The following CSMD1 variants were observed in gnomAD, a reference collection of about 807,000 sequenced individuals.
The protein encoded by CSMD1 is CUB and sushi domain-containing protein 1.
Under a neutral mutation model 417.5 loss-of-function variants are expected in CSMD1, and 213 were observed. The observed-to-expected ratio is 0.51, with a 90% CI of 0.46 to 0.57. The LOEUF is 0.57. Ranked by LOEUF, CSMD1 falls within the 20% of genes least tolerant of loss-of-function variation. CSMD1 has a pLI of 0.00. For synonymous variants in CSMD1, 2,862 were observed against 1,736.8 expected (o/e 1.65, Z -16.11); for missense variants, 6,923 against 4,529.7 (o/e 1.53, Z -15.17).
intron 6 of CSMD1, among the ~76,000 whole-genome samples, chr8:3,715,089 A>T (rs1757699511): frequency 6.6e-6 from 1 of 152,188 alleles, no homozygotes; most frequent in Non-Finnish European, 1.5e-5. Flanking sequence ...TTTCTTCATT[A>T]GATTTTTTTG....
At chr8:4,530,199 C>A (rs2130450939) in intron 2 of CSMD1, among the ~76,000 whole-genome samples, 1 of 152,080 alleles carries the variant, frequency 6.6e-6, no homozygotes, top group Admixed American at 6.5e-5. Flanking sequence ...AGGCACGAGC[C>A]ACCGCGCCAG....
chr8:4,329,489 C>A (rs1235038458), intron 3 of CSMD1, among the ~76,000 whole-genome samples: 1 of 152,088 alleles, frequency 6.6e-6, no homozygotes, highest in Non-Finnish European at 1.5e-5. Context: ...CATTTCACCA[C>A]GTTGGCCAGG....
intron 50 of CSMD1, among the ~76,000 whole-genome samples, chr8:3,050,613 T>G (rs1811758736): frequency 6.6e-6 from 1 of 152,194 alleles, no homozygotes; most frequent in South Asian, 2.1e-4. Context: ...CCTCCCATAC[T>G]ATTACTTAAT....
intron 5 of CSMD1, among the ~76,000 whole-genome samples, chr8:3,952,664 A>C (rs780332321): frequency 3.3e-5 from 5 of 152,236 alleles, no homozygotes; most frequent in African/African-American, 1.2e-4. Flanking sequence ...ACAGATTCTG[A>C]AATCAAAGAG....
chr8:3,154,146 T>C (rs894735759), intron 39 of CSMD1, among the ~76,000 whole-genome samples: 1 of 152,168 alleles, frequency 6.6e-6, no homozygotes, highest in African/African-American at 2.4e-5. Flanking sequence ...CTAATTTTTG[T>C]ATTTTTAGTA....
At chr8:3,609,660 G>C (rs562184964) in intron 8 of CSMD1, among the ~76,000 whole-genome samples, 2 of 151,508 alleles carry the variant, frequency 1.3e-5, no homozygotes, top group East Asian at 3.9e-4. Context: ...CACTGCAAAT[G>C]AGCTCATCTA....
intron 1 of CSMD1, among the ~76,000 whole-genome samples, chr8:4,669,154 T>C (rs916284447): frequency 6.6e-6 from 1 of 152,220 alleles, no homozygotes; most frequent in Non-Finnish European, 1.5e-5. Context: ...CCTTCTTCGC[T>C]TCCTTTAGGG....
chr8:3,905,095 G>T (rs1404221104), intron 5 of CSMD1, among the ~76,000 whole-genome samples: 3 of 152,128 alleles, frequency 2.0e-5, no homozygotes, highest in Non-Finnish European at 2.9e-5. Flanking sequence ...TGTCTGTAGG[G>T]AAACTGAGGC....
chr8:3,496,201 A>G (rs36041374), intron 10 of CSMD1, among the ~76,000 whole-genome samples: 7,756 of 152,150 alleles, frequency 0.051, 210 homozygotes, highest in Middle Eastern at 0.075. Context: ...TGCCTGCTTA[A>G]TGTTCCTCCC....
chr8:4,417,483 C>A (rs1055395055), intron 3 of CSMD1, among the ~76,000 whole-genome samples: 6 of 151,988 alleles, frequency 3.9e-5, no homozygotes, highest in Non-Finnish European at 8.8e-5. Context: ...ATGCAGCAGT[C>A]TGTTAATACT....
At chr8:4,128,127 G>A (rs141237775) in intron 3 of CSMD1, among the ~76,000 whole-genome samples, 1 of 152,094 alleles carries the variant, frequency 6.6e-6, no homozygotes, top group Admixed American at 6.5e-5. Flanking sequence ...TGTCAGGCCA[G>A]CACTCCCACC....
At chr8:4,487,113 A>G (rs187015512) in intron 2 of CSMD1, among the ~76,000 whole-genome samples, 62 of 152,274 alleles carry the variant, frequency 4.1e-4, no homozygotes, top group African/African-American at 1.5e-3. Flanking sequence ...AAGGAAGAAT[A>G]CCAGATCATA....
At position 4,976,159 on chromosome 8, in the gene CSMD1, G is replaced by A. The variant is rs1025142452; in HGVS notation, c.85+18173C>T. ...GAACAGACACTGGAGAATCCTAGAGGGAGCAGAGAGACAAGGGCTGAAAAA... is the reference window on the plus strand; with the variant it reads ...GAACAGACACTGGAGAATCCTAGAGAGAGCAGAGAGACAAGGGCTGAAAAA... On this transcript the variant is annotated intron_variant, in intron 1 of 69. Transcript: ENST00000635120. Among the ~76,000 whole-genome samples the A allele has an allele frequency of 2.6e-5, 4 of 152,252 alleles. No individual in the cohort carries two copies. In the East Asian group the frequency reaches 5.8e-4, roughly 22 times the overall value.
At chr8:4,740,377 G>A (rs1023554149) in intron 1 of CSMD1, among the ~76,000 whole-genome samples, 1 of 152,118 alleles carries the variant, frequency 6.6e-6, no homozygotes, top group Non-Finnish European at 1.5e-5. Flanking sequence ...TAGAAATACA[G>A]TATTAGAATG....
intron 3 of CSMD1, among the ~76,000 whole-genome samples, chr8:4,232,297 C>G (rs533960870): frequency 6.2e-4 from 94 of 152,256 alleles, no homozygotes; most frequent in Non-Finnish European, 4.9e-4. Context: ...CTCCCAGGTT[C>G]AAGTAATTCT....
At chr8:3,804,599 G>T (rs866654621) in intron 5 of CSMD1, among the ~76,000 whole-genome samples, 3 of 151,956 alleles carry the variant, frequency 2.0e-5, no homozygotes, top group African/African-American at 7.2e-5. Context: ...ATATTTTGTA[G>T]TATCTTTTTC....
chr8:4,261,123 T>G (rs1210157734), intron 3 of CSMD1, among the ~76,000 whole-genome samples: 2 of 152,240 alleles, frequency 1.3e-5, no homozygotes, highest in Non-Finnish European at 2.9e-5. Flanking sequence ...TGTCTGTGTT[T>G]GTTAGACTCT....
At chr8:4,236,722 T>G (rs142872398) in intron 3 of CSMD1, among the ~76,000 whole-genome samples, 269 of 152,316 alleles carry the variant, frequency 1.8e-3, no homozygotes, top group African/African-American at 6.2e-3. Context: ...CAATAATCAC[T>G]GTGCCTTCGA....
At chr8:4,787,675 T>A in intron 1 of CSMD1, 5 of 1,589,210 alleles carry the variant, frequency 3.1e-6, no homozygotes, top group East Asian at 2.2e-5. Flanking sequence ...GATATAAGTT[T>A]ACCCACCTAA....
Sources: allele counts gnomAD v4.1 joint callset (sites outside exome capture counted in the v4.1 genomes callset), GRCh38; gene constraint gnomAD v4.1.1; transcripts MANE v1.5; gene names NCBI Gene and HGNC (gene_info 2026-07-23, HGNC 2026-07-21).